SEMA6A: variants seen among roughly 807,000 people sequenced by gnomAD.
SEMA6A encodes the protein semaphorin 6A, also known as semaphorin-6A.
In SEMA6A, 25 loss-of-function variants were observed where a neutral mutation model predicts 96.8. That is an observed-to-expected ratio of 0.26 (90% CI 0.19 to 0.36). The LOEUF (loss-of-function observed/expected upper bound fraction) is 0.36. Among genes scored for constraint, SEMA6A ranks in the 10% least tolerant of loss-of-function variants. The probability of loss-of-function intolerance (pLI) is 1.00; values close to 1 mark genes in which losing one functional copy is unlikely to be tolerated. For missense variants in SEMA6A, 1,363 were observed against 1,323.1 expected (o/e 1.03, Z -0.47); for synonymous variants, 612 against 518.0 (o/e 1.18, Z -2.46).
intron 18 of SEMA6A, among the ~76,000 whole-genome samples, chr5:116,459,664 A>C (rs153616): frequency 0.62 from 94,278 of 151,868 alleles, 29,834 homozygotes; most frequent in Non-Finnish European, 0.69. Context: ...CAAGACTTTG[A>C]AAGGTCTTTC....
intron 9 of SEMA6A, 176 bp from the exon 10 acceptor site, chr5:116,487,142 A>AGAG: frequency 1.7e-6 from 1 of 583,028 alleles, no homozygotes; most frequent in Non-Finnish European, 3.0e-6. Context: ...ACTCAGCATT[A>AGAG]GAGTAGCATG....
Position 116,446,528 on chromosome 5 carries a change from A to G in SEMA6A, c.*85T>C, listed in dbSNP as rs1438316727. The stretch of plus-strand genomic sequence containing the variant: ...CGCAGGCCTTCTTGGTCTGGTGGGT[A>G]CTCGAGGCAGTTGAGAACCTTGCTG... On this transcript the variant is annotated 3_prime_UTR_variant, in exon 19 of 19. Transcript: ENST00000343348. 4 of 1,164,976 alleles carry G rather than the reference A, an allele frequency of 3.4e-6. No individual in the cohort carries two copies. Among genetic ancestry groups the G allele is most frequent in the Admixed American group, 3.1e-5 (1 of 32,726 alleles). 72.2% of individuals were successfully genotyped at this position (1,164,976 alleles called of 1,614,324 possible).
intron 18 of SEMA6A, among the ~76,000 whole-genome samples, chr5:116,451,967 G>GAA (rs11327401): frequency 1.5e-4 from 22 of 147,298 alleles, no homozygotes; most frequent in African/African-American, 4.9e-4. Flanking sequence ...TGAATAATTA[G>GAA]AAAAAAAAAA....
chr5:116,542,397 T>A (rs1233299933), intron 1 of SEMA6A, among the ~76,000 whole-genome samples: 1 of 152,176 alleles, frequency 6.6e-6, no homozygotes, highest in Non-Finnish European at 1.5e-5. Flanking sequence ...TCCCATGAGA[T>A]CCCTCCCCGA....
At chr5:116,542,563 A>T (rs1241704873) in intron 1 of SEMA6A, among the ~76,000 whole-genome samples, 1 of 152,214 alleles carries the variant, frequency 6.6e-6, no homozygotes, top group Admixed American at 6.5e-5. Flanking sequence ...CCATACATCT[A>T]CTGCATCAAA....
intron 16 of SEMA6A, among the ~76,000 whole-genome samples, 198 bp from the exon 17 acceptor site, chr5:116,473,291 A>G (rs377617189): frequency 6.6e-6 from 1 of 152,214 alleles, no homozygotes; most frequent in African/African-American, 2.4e-5. Flanking sequence ...CTCTTCCACC[A>G]AGTGAATTTC....
intron 18 of SEMA6A, chr5:116,449,351 C>G (rs1561461656): frequency 8.5e-6 from 6 of 702,280 alleles, no homozygotes; most frequent in Non-Finnish European, 2.6e-6. Flanking sequence ...TTTTCATCTA[C>G]TAAATCAACT....
intron 1 of SEMA6A, among the ~76,000 whole-genome samples, chr5:116,521,720 C>T (rs921833335): frequency 2.6e-5 from 4 of 152,074 alleles, no homozygotes; most frequent in South Asian, 2.1e-4. Context: ...CCAGATGTCT[C>T]GGCGTAAAAC....
chr5:116,474,194 C>T (rs1756321343), intron 16 of SEMA6A, among the ~76,000 whole-genome samples: 1 of 152,022 alleles, frequency 6.6e-6, no homozygotes, highest in African/African-American at 2.4e-5. Context: ...TTTCTACAGA[C>T]ACCACTATTG....
intron 9 of SEMA6A, 69 bp from the exon 10 acceptor site, chr5:116,487,035 C>A: frequency 9.0e-7 from 1 of 1,106,088 alleles, no homozygotes; most frequent in Non-Finnish European, 1.4e-6. Context: ...GTAGAATCTG[C>A]ATTCCTTGAA....
In SEMA6A at chr5:116,565,495, C is replaced by T. The variant is rs140947680; in HGVS notation, c.-39+8690G>A. Among the ~76,000 whole-genome samples the T allele has an allele frequency of 9.1e-3, 1,390 of 152,270 alleles. 13 individuals are homozygous for T. The highest frequency in any genetic ancestry group is 0.014 in the Middle Eastern group (4 of 294). On this transcript the variant is annotated intron_variant, in intron 1 of 18. Coordinates refer to ENST00000343348, the MANE Select transcript of SEMA6A (RefSeq NM_020796.5). The stretch of plus-strand genomic sequence containing the variant: ...ATACAAGAAGAATTAGCACAGAATC[C>T]GTCTCGAAAACCATTAACAAGTATT...
At chr5:116,456,958 C>A (rs555188001) in intron 18 of SEMA6A, among the ~76,000 whole-genome samples, 23 of 152,256 alleles carry the variant, frequency 1.5e-4, no homozygotes, top group South Asian at 1.4e-3. Flanking sequence ...GGTTCTTCTC[C>A]TTTATATTCC....
chr5:116,511,072 G>A (rs976542646), intron 1 of SEMA6A, among the ~76,000 whole-genome samples: 4 of 152,132 alleles, frequency 2.6e-5, no homozygotes, highest in East Asian at 1.9e-4. Context: ...AAATACAGTC[G>A]TCCTTCAGTA....
At position 116,447,451 on chromosome 5, in the gene SEMA6A, A is replaced by C; in HGVS notation, c.2255T>G (p.Leu752Arg). 6.2e-7 allele frequency: 1 copy of C among 1,614,074 alleles called. No individual in the cohort carries two copies. Among genetic ancestry groups the C allele is most frequent in the Non-Finnish European group, 8.5e-7 (1 of 1,179,908 alleles). Reference protein sequence around the residue: ...LIKADQHHLDLTALPTPESTP... With the variant: ...LIKADQHHLDRTALPTPESTP... ...TGACTCTGGGGTGGGGAGGGCCGTC[A>C]GGTCCAGGTGGTGCTGGTCTGCTTT... The change falls in exon 19 of 19, where the codon CTG (leucine) becomes CGG (arginine). Residue 752 changes from leucine to arginine, a missense_variant. Physicochemically the swap from Leu to Arg is moderately radical, Grantham distance 102. This residue lies in a region of SEMA6A where 883 missense variants were observed against 763.6 expected (regional missense o/e 1.16). Coordinates refer to ENST00000343348, the MANE Select transcript of SEMA6A (RefSeq NM_020796.5).
At chr5:116,544,362 T>G (rs1760097734) in intron 1 of SEMA6A, among the ~76,000 whole-genome samples, 1 of 152,112 alleles carries the variant, frequency 6.6e-6, no homozygotes, top group Admixed American at 6.5e-5. Flanking sequence ...ATGATCATGG[T>G]TCACTGCAGC....
intron 11 of SEMA6A, 143 bp from the exon 12 acceptor site, chr5:116,480,420 G>T: frequency 1.0e-6 from 1 of 963,932 alleles, no homozygotes; most frequent in Non-Finnish European, 1.6e-6. Context: ...AATGCAGAAT[G>T]CCACCAAGCA....
rs1755839590 is a variant in SEMA6A at position 116,467,595 on chromosome 5, G to C, written c.1882C>G (p.Gln628Glu). The C allele has an allele frequency of 6.2e-7, 1 of 1,612,620 alleles. No homozygotes were observed. Among genetic ancestry groups the C allele is most frequent in the Non-Finnish European group, 8.5e-7 (1 of 1,179,466 alleles). The change falls in exon 18 of 19, where the codon CAA becomes GAA. Residue 628 changes from glutamine to glutamate, a missense_variant. Coordinates refer to ENST00000343348, the MANE Select transcript of SEMA6A (RefSeq NM_020796.5). Reference sequence around the variant, plus strand: ...TCCAAGGCCTTACCCTTCTTGTCTTGGTGATTATGGGAAGACACTGCCCCC... The same window carrying C: ...TCCAAGGCCTTACCCTTCTTGTCTTCGTGATTATGGGAAGACACTGCCCCC... ...PLGAVSSHNH[Q>E]DKKGVIRESY...
At chr5:116,477,769 A>C (rs958484431) in intron 15 of SEMA6A, 77 bp downstream of exon 15, 43 of 1,406,734 alleles carry the variant, frequency 3.1e-5, no homozygotes, top group Non-Finnish European at 4.3e-5. Flanking sequence ...GGTGTGTGTG[A>C]GCAGAGCAAA....
chr5:116,465,063 C>T (rs890129255), intron 18 of SEMA6A, among the ~76,000 whole-genome samples: 3 of 152,122 alleles, frequency 2.0e-5, no homozygotes, highest in African/African-American at 4.8e-5. Flanking sequence ...ATGAGACAAT[C>T]GACCCAGTAG....
Sources: allele counts gnomAD v4.1 joint callset (sites outside exome capture counted in the v4.1 genomes callset), GRCh38; gene constraint gnomAD v4.1.1; regional missense constraint gnomAD v4.1.1; transcripts MANE v1.5; gene names NCBI Gene and HGNC (gene_info 2026-07-23, HGNC 2026-07-21).